The following LRTM2 variants were observed in gnomAD, a reference collection of about 807,000 sequenced individuals.
The protein encoded by LRTM2 is leucine rich repeat transmembrane protein 2, also known as leucine-rich repeat and transmembrane domain-containing protein 2.
In LRTM2, 18 loss-of-function variants were observed where a neutral mutation model predicts 28.1. That is an observed-to-expected ratio of 0.64 (90% CI 0.44 to 0.95). The LOEUF is 0.95. Ranked by LOEUF, LRTM2 falls within the 40% of genes least tolerant of loss-of-function variation. The pLI, the probability that LRTM2 is intolerant of heterozygous loss-of-function variation, is 0.00. For missense variants in LRTM2, 436 were observed against 497.2 expected (o/e 0.88, Z 1.17); for synonymous variants, 250 against 218.7 (o/e 1.14, Z -1.26).
At position 1,833,544 on chromosome 12, in the gene LRTM2, C is replaced by T. The variant is rs1864723010; in HGVS notation, c.659-723C>T. On this transcript the variant is annotated intron_variant, in intron 4 of 4. Transcript: ENST00000299194. The surrounding 1 kb of genome is among the most constrained non-coding windows in gnomAD (Gnocchi z 4.2). Reference sequence around the variant, plus strand: ...TCAACACCAGCCTCCTCTCCTTGGCCTCGTGTGCCTCCAGGATTCCCCCTC... The same window carrying T: ...TCAACACCAGCCTCCTCTCCTTGGCTTCGTGTGCCTCCAGGATTCCCCCTC... Among the ~76,000 whole-genome samples the T allele has an allele frequency of 6.6e-6, 1 of 152,194 alleles. No homozygotes were observed. Among genetic ancestry groups the T allele is most frequent in the African/African-American group, 2.4e-5 (1 of 41,450 alleles).
intron 4 of LRTM2, among the ~76,000 whole-genome samples, chr12:1,832,765 G>T (rs992552386): frequency 1.1e-4 from 16 of 152,178 alleles, no homozygotes; most frequent in African/African-American, 3.6e-4. Context: ...TCATGTACAT[G>T]ATTTTAAACC....
chr12:1,823,984 A>G (rs1459338527), intron 1 of LRTM2, among the ~76,000 whole-genome samples: 2 of 152,220 alleles, frequency 1.3e-5, no homozygotes, highest in Admixed American at 1.3e-4. Context: ...CCATTTGCCT[A>G]ACTTTAGGTG....
chr12:1,827,832 A>AC (rs1235894242), intron 2 of LRTM2: 2 of 338,596 alleles, frequency 5.9e-6, no homozygotes, highest in Non-Finnish European at 5.3e-6. Context: ...CCATGGGTGC[A>AC]CCCCCAGCTT....
intron 3 of LRTM2, among the ~76,000 whole-genome samples, chr12:1,830,725 A>G (rs533120810): frequency 5.3e-5 from 8 of 152,344 alleles, no homozygotes; most frequent in Non-Finnish European, 8.8e-5. Context: ...GGCGCCCTGC[A>G]GACACTGTGT....
At chr12:1,830,304 C>G (rs535735200) in intron 3 of LRTM2, among the ~76,000 whole-genome samples, 1 of 152,212 alleles carries the variant, frequency 6.6e-6, no homozygotes, top group Non-Finnish European at 1.5e-5. Context: ...AAACTGCTGG[C>G]GTCATCATGG....
chr12:1,825,531 G>A (rs1864277989), intron 1 of LRTM2, among the ~76,000 whole-genome samples: 1 of 152,240 alleles, frequency 6.6e-6, no homozygotes, highest in African/African-American at 2.4e-5. Flanking sequence ...GGAACTTAGA[G>A]GCATCTCACT....
intron 2 of LRTM2, 78 bp from the exon 3 acceptor site, chr12:1,827,998 C>T (rs905635501): frequency 1.6e-5 from 9 of 555,022 alleles, no homozygotes; most frequent in Admixed American, 3.7e-5. Context: ...TAAAGAGACA[C>T]CCGGGCCCTC....
chr12:1,820,900 C>T lies in LRTM2; in HGVS notation c.-259+86C>T, dbSNP rs1004393114. On this transcript the variant is annotated intron_variant, in intron 1 of 4. Transcript: ENST00000299194. This position sits in a 1 kb window ranked among gnomAD's most constrained non-coding sequence, Gnocchi z 6.0. ...GGCATGGGAAGTGGGCACCGGCCAT[C>T]TCTGCCCTGCAGGAATAGCTGCAGT... The T allele has an allele frequency of 1.6e-4, 24 of 152,216 alleles. No individual in the cohort carries two copies. Among genetic ancestry groups the T allele is most frequent in the African/African-American group, 5.8e-4 (24 of 41,424 alleles). 9.4% of individuals were successfully genotyped at this position (152,216 alleles called of 1,614,324 possible).
rs888561960 is a variant in LRTM2 at position 1,833,306 on chromosome 12, T to A, written c.659-961T>A. On this transcript the variant is annotated intron_variant, in intron 4 of 4. Transcript: ENST00000299194. This position sits in a 1 kb window ranked among gnomAD's most constrained non-coding sequence, Gnocchi z 4.2. Reference sequence around the variant, plus strand: ...CGCATCTTTTCGGCAGGGGGTCTAGTGCCTGCATCCAGATTTCACTGGAAG... The same window carrying A: ...CGCATCTTTTCGGCAGGGGGTCTAGAGCCTGCATCCAGATTTCACTGGAAG... 6.6e-6 allele frequency among the ~76,000 whole-genome samples: 1 copy of A among 152,132 alleles called. No homozygotes were observed. Among genetic ancestry groups the A allele is most frequent in the Non-Finnish European group, 1.5e-5 (1 of 68,018 alleles).
intron 1 of LRTM2, among the ~76,000 whole-genome samples, chr12:1,826,243 G>C (rs1307931623): frequency 6.6e-6 from 1 of 152,172 alleles, no homozygotes; most frequent in Non-Finnish European, 1.5e-5. Context: ...ATGGTGATGG[G>C]CACTGGGTGT....
In LRTM2 at chr12:1,831,452, C is replaced by A. The variant is rs376511031; in HGVS notation, c.585C>A (p.Val195=). The change falls in exon 4 of 5, where the codon GTC becomes GTA. Residue 195 remains valine (V), a synonymous_variant. Coordinates refer to ENST00000299194, the MANE Select transcript of LRTM2 (RefSeq NM_001039029.3). ...EPLANLQLLQ[V]GDNPWECDCN... is the part of the protein sequence containing the mutation. ...TAGCAAACCTGCAGCTGCTGCAGGT[C>A]GGGGATAACCCCTGGGAGTGTGACT... The A allele has an allele frequency of 2.2e-5, 35 of 1,613,988 alleles. No homozygotes were observed. Among genetic ancestry groups the A allele is most frequent in the Non-Finnish European group, 2.9e-5 (34 of 1,180,028 alleles).
At position 1,834,484 on chromosome 12, in the gene LRTM2, C is replaced by T. The variant is rs1864765466; in HGVS notation, c.876C>T (p.Ala292=). The T allele has an allele frequency of 2.5e-6, 4 of 1,609,924 alleles. No individual in the cohort carries two copies. In the South Asian group the frequency reaches 4.4e-5, roughly 18 times the overall value. ...AGCCGGAGCCGGAGCCCAGCACAGC[C>T]TGCCCACAGAAGCAGAGGCACCGGC... ...GAEPEPEPST[A]CPQKQRHRPA... The change falls in exon 5 of 5, where the codon GCC becomes GCT. Residue 292 remains alanine (A), a synonymous_variant. Transcript: ENST00000299194. This position sits in a 1 kb window ranked among gnomAD's most constrained non-coding sequence, Gnocchi z 7.6.
intron 1 of LRTM2, among the ~76,000 whole-genome samples, chr12:1,821,448 G>A (rs1864096092): frequency 6.6e-6 from 1 of 152,232 alleles, no homozygotes; most frequent in Non-Finnish European, 1.5e-5. Flanking sequence ...TGAGGGTGAG[G>A]CTGGGAGTGG....
At position 1,830,460 on chromosome 12, in the gene LRTM2, T is replaced by C. The variant is rs542988902; in HGVS notation, c.68-475T>C. Among the ~76,000 whole-genome samples the C allele has an allele frequency of 2.0e-5, 3 of 152,332 alleles. No homozygotes were observed. The South Asian group carries it at 6.2e-4, about 32-fold the overall frequency. On this transcript the variant is annotated intron_variant, in intron 3 of 4. Transcript: ENST00000299194. ...GAGGGAGCCAGCAGCCTGGCCATTTTCCCTGGGAAACAAACTCTGTCCCAG... is the reference window on the plus strand; with the variant it reads ...GAGGGAGCCAGCAGCCTGGCCATTTCCCCTGGGAAACAAACTCTGTCCCAG...
chr12:1,834,187 T>G lies in LRTM2; in HGVS notation c.659-80T>G. On this transcript the variant is annotated intron_variant, in intron 4 of 4. Coordinates refer to ENST00000299194, the MANE Select transcript of LRTM2 (RefSeq NM_001039029.3). This position sits in a 1 kb window ranked among gnomAD's most constrained non-coding sequence, Gnocchi z 7.6. The stretch of plus-strand genomic sequence containing the variant: ...TAAAAACTACCTTCTGGGGCTTCCG[T>G]TTTGGGGAGCTGGGGATGGGGAGAG... 3 of 1,470,374 alleles carry G rather than the reference T, an allele frequency of 2.0e-6. No individual in the cohort carries two copies. Among genetic ancestry groups the G allele is most frequent in the Non-Finnish European group, 1.8e-6 (2 of 1,103,284 alleles). 91.1% of individuals were successfully genotyped at this position (1,470,374 alleles called of 1,614,324 possible). A position where few individuals can be genotyped will look rare whatever the true frequency, so the allele number is the denominator to read the frequency against.
Position 1,828,457 on chromosome 12 carries a change from C to G in LRTM2, c.67+242C>G, listed in dbSNP as rs1047427369. Among the ~76,000 whole-genome samples the G allele has an allele frequency of 6.6e-6, 1 of 152,232 alleles. No individual in the cohort carries two copies. Among genetic ancestry groups the G allele is most frequent in the Non-Finnish European group, 1.5e-5 (1 of 68,036 alleles). On this transcript the variant is annotated intron_variant, in intron 3 of 4. Coordinates refer to ENST00000299194, the MANE Select transcript of LRTM2 (RefSeq NM_001039029.3). This position sits in a 1 kb window ranked among gnomAD's most constrained non-coding sequence, Gnocchi z 4.2. ...TTAGACCTGGAGCTGGAGGCCACGA[C>G]AGTTGTTCTACCTCCCCCAGGTAAG...
At chr12:1,827,825 T>C in intron 2 of LRTM2, 1 of 329,342 alleles carries the variant, frequency 3.0e-6, no homozygotes, top group Non-Finnish European at 5.5e-6. Context: ...GGTAGGCCCA[T>C]GGGTGCACCC....
rs1297103277 is a variant in LRTM2 at position 1,829,670 on chromosome 12, C to T, written c.68-1265C>T. Among the ~76,000 whole-genome samples, 1 of 150,720 alleles carries T rather than the reference C, an allele frequency of 6.6e-6. No homozygotes were observed. Among genetic ancestry groups the T allele is most frequent in the Non-Finnish European group, 1.5e-5 (1 of 67,640 alleles). On this transcript the variant is annotated intron_variant, in intron 3 of 4. Transcript: ENST00000299194. The surrounding 1 kb of genome is among the most constrained non-coding windows in gnomAD (Gnocchi z 4.2). The stretch of plus-strand genomic sequence containing the variant: ...CTACTGGACAAGACTCAAGGCTGTT[C>T]AGACCCAGCTCACAGCCCATCGGCC...
chr12:1,822,695 C>T (rs1864155508), intron 1 of LRTM2, among the ~76,000 whole-genome samples: 1 of 152,222 alleles, frequency 6.6e-6, no homozygotes, highest in Non-Finnish European at 1.5e-5. Context: ...ATGGCTGTTC[C>T]AAGTACAAAT....
Sources: gnomAD v4.1 joint callset for allele counts (sites outside exome capture counted in the v4.1 genomes callset) on GRCh38, gnomAD v4.1.1 for gene constraint, Gnocchi (gnomAD v3.1) non-coding constraint, MANE v1.5 for transcripts, NCBI Gene and HGNC (gene_info 2026-07-23, HGNC 2026-07-21) for gene names.